The following SUSD4 variants were observed in gnomAD, a reference collection of about 807,000 sequenced individuals.
SUSD4 encodes sushi domain-containing protein 4.
In SUSD4, 41 loss-of-function variants were observed where a neutral mutation model predicts 50.5. The observed-to-expected ratio is 0.81, with a 90% confidence interval of 0.63 to 1.05. The LOEUF (loss-of-function observed/expected upper bound fraction) is 1.05. Among genes scored for constraint, SUSD4 ranks in the 50% least tolerant of loss-of-function variants. The pLI, the probability that SUSD4 is intolerant of heterozygous loss-of-function variation, is 0.00. For missense variants in SUSD4, 580 were observed against 634.7 expected (o/e 0.91, Z 0.93); for synonymous variants, 257 against 257.3 (o/e 1.00, Z 0.01).
At chr1:223,292,749 C>T in intron 2 of SUSD4, 98 bp from the exon 3 acceptor site, 1 of 1,266,762 alleles carries the variant, frequency 7.9e-7, no homozygotes, top group Non-Finnish European at 1.1e-6. Context: ...ATGTCATACG[C>T]CTTGGACACT....
chr1:223,346,194 A>T (rs1340166399), intron 2 of SUSD4, among the ~76,000 whole-genome samples: 2 of 152,170 alleles, frequency 1.3e-5, no homozygotes, highest in Non-Finnish European at 1.5e-5. Flanking sequence ...GTCTTCAGAC[A>T]TTGCCAAATG....
intron 5 of SUSD4, among the ~76,000 whole-genome samples, chr1:223,245,300 G>A (rs1195251071): frequency 6.6e-6 from 1 of 151,146 alleles, no homozygotes; most frequent in Admixed American, 6.6e-5. Flanking sequence ...TTAGAAAACA[G>A]TAACCAAATC....
intron 2 of SUSD4, among the ~76,000 whole-genome samples, chr1:223,295,907 T>C (rs1664792567): frequency 6.6e-6 from 1 of 151,432 alleles, no homozygotes; most frequent in South Asian, 2.1e-4. Context: ...CATTTTAGAA[T>C]GATCTCTCTG....
chr1:223,308,416 C>A (rs373919954), intron 2 of SUSD4, among the ~76,000 whole-genome samples: 10 of 152,284 alleles, frequency 6.6e-5, no homozygotes, highest in Middle Eastern at 3.4e-3. Context: ...TCCCTGACGC[C>A]TCCCCAGAAG....
intron 3 of SUSD4, among the ~76,000 whole-genome samples, chr1:223,280,255 A>T (rs1663608101): frequency 6.6e-6 from 1 of 152,206 alleles, no homozygotes; most frequent in South Asian, 2.1e-4. Context: ...TTACATGTAA[A>T]TGGGCTAAAT....
chr1:223,270,559 C>A (rs1470350384), intron 3 of SUSD4, among the ~76,000 whole-genome samples: 1 of 152,076 alleles, frequency 6.6e-6, no homozygotes, highest in Non-Finnish European at 1.5e-5. Flanking sequence ...ATGTTTCAGG[C>A]CGCGAAAAGG....
At chr1:223,262,881 T>C (rs535618603) in intron 5 of SUSD4, among the ~76,000 whole-genome samples, 2 of 152,154 alleles carry the variant, frequency 1.3e-5, no homozygotes, top group East Asian at 1.9e-4. Context: ...CATCTACTCA[T>C]AGTGGAGGAT....
intron 2 of SUSD4, among the ~76,000 whole-genome samples, chr1:223,353,659 G>A (rs528987474): frequency 1.1e-4 from 17 of 152,290 alleles, no homozygotes; most frequent in Admixed American, 3.3e-4. Context: ...CAGGGACAGC[G>A]CTGCCAAAAA....
At chr1:223,336,693 A>G (rs1667475821) in intron 2 of SUSD4, among the ~76,000 whole-genome samples, 1 of 151,994 alleles carries the variant, frequency 6.6e-6, no homozygotes, top group South Asian at 2.1e-4. Context: ...TGTAACAGAG[A>G]GCTTTAATCC....
intron 2 of SUSD4, among the ~76,000 whole-genome samples, chr1:223,325,769 C>T (rs1235266584): frequency 1.3e-5 from 2 of 152,110 alleles, no homozygotes; most frequent in Non-Finnish European, 2.9e-5. Flanking sequence ...ATTTTTTTTA[C>T]AACAGCTGCA....
rs774343891 is a variant in SUSD4 at position 223,222,217 on chromosome 1, A to G, written c.1448T>C (p.Ile483Thr). 1.2e-6 allele frequency: 2 copies of G among 1,613,770 alleles called. No individual in the cohort carries two copies. Among genetic ancestry groups the G allele is most frequent in the Non-Finnish European group, 8.5e-7 (1 of 1,179,846 alleles). ...TTAGGGATCTTCTTCCATTAGAGGAATCTCTGTAAAAGAAGAGACGGTTAT... is the reference window on the plus strand; with the variant it reads ...TTAGGGATCTTCTTCCATTAGAGGAGTCTCTGTAAAAGAAGAGACGGTTAT... ...TSPGIDIADE[I>T]PLMEEDP Residue 483 changes from isoleucine to threonine, a missense_variant, in exon 9 of 9, where the codon ATT becomes ACT. Coordinates refer to ENST00000366878, the MANE Select transcript of SUSD4 (RefSeq NM_017982.4).
chr1:223,299,258 T>A (rs1225446252), intron 2 of SUSD4, among the ~76,000 whole-genome samples: 1 of 152,076 alleles, frequency 6.6e-6, no homozygotes, highest in African/African-American at 2.4e-5. Flanking sequence ...GGAAGCAGAG[T>A]GGAAAATCAT....
chr1:223,331,013 G>A (rs554058735), intron 2 of SUSD4, among the ~76,000 whole-genome samples: 13 of 151,988 alleles, frequency 8.6e-5, no homozygotes, highest in South Asian at 4.2e-4. Context: ...CACCCTCCCC[G>A]CCCCCTCCCA....
At chr1:223,299,916 C>T (rs568430407) in intron 2 of SUSD4, among the ~76,000 whole-genome samples, 1 of 152,292 alleles carries the variant, frequency 6.6e-6, no homozygotes, top group African/African-American at 2.4e-5. Flanking sequence ...CCTGGGTCTC[C>T]AAGGAGATAC....
Position 223,227,683 on chromosome 1 carries a change from C to T in SUSD4, c.972G>A (p.Ala324=), listed in dbSNP as rs1374887211. 34 of 1,613,528 alleles carry T rather than the reference C, an allele frequency of 2.1e-5. No homozygotes were observed. The highest frequency in any genetic ancestry group is 8.3e-5 in the Admixed American group (5 of 59,944). Reference sequence around the variant, plus strand: ...CCAGCAGCACACTGGTTGCCGTGAACGCCACAATCTTCCACGTGGTCAGGA... The same window carrying T: ...CCAGCAGCACACTGGTTGCCGTGAATGCCACAATCTTCCACGTGGTCAGGA... ...ETLLTTWKIV[A]FTATSVLLVL... Residue 324 remains alanine, a synonymous_variant, in exon 7 of 9, where the codon GCG becomes GCA. Coordinates refer to ENST00000366878, the MANE Select transcript of SUSD4 (RefSeq NM_017982.4). This position sits in a 1 kb window ranked among gnomAD's most constrained non-coding sequence, Gnocchi z 4.5.
chr1:223,233,511 T>C (rs1660024104), intron 5 of SUSD4, among the ~76,000 whole-genome samples: 1 of 152,156 alleles, frequency 6.6e-6, no homozygotes, highest in Non-Finnish European at 1.5e-5. Flanking sequence ...GTCTCCTCTC[T>C]ACACCTTCCC....
At chr1:223,322,699 C>T (rs529292184) in intron 2 of SUSD4, among the ~76,000 whole-genome samples, 2 of 152,072 alleles carry the variant, frequency 1.3e-5, no homozygotes, top group South Asian at 2.1e-4. Flanking sequence ...CATATGCATG[C>T]GAGGCGGGGA....
intron 3 of SUSD4, among the ~76,000 whole-genome samples, chr1:223,288,903 A>G (rs1322307275): frequency 6.6e-6 from 1 of 152,236 alleles, no homozygotes; most frequent in African/African-American, 2.4e-5. Context: ...GTGAGGATGC[A>G]GCATTTTTTA....
chr1:223,312,881 G>A (rs1376386351), intron 2 of SUSD4, among the ~76,000 whole-genome samples: 3 of 152,172 alleles, frequency 2.0e-5, no homozygotes, highest in Non-Finnish European at 4.4e-5. Context: ...ACACAGTGAT[G>A]TTACCTGGTA....
Sources: gnomAD v4.1 joint callset for allele counts (sites outside exome capture counted in the v4.1 genomes callset) on GRCh38, gnomAD v4.1.1 for gene constraint, Gnocchi (gnomAD v3.1) non-coding constraint, MANE v1.5 for transcripts, NCBI Gene and HGNC (gene_info 2026-07-23, HGNC 2026-07-21) for gene names.